The following PDK1 variants were observed in gnomAD, a reference collection of about 807,000 sequenced individuals.
The protein encoded by PDK1 is pyruvate dehydrogenase kinase 1.
PDK1 carries 39 observed loss-of-function variants against 54.2 expected under a neutral mutation model. The ratio of observed to expected loss-of-function variants is 0.72; its 90% confidence interval spans 0.56 to 0.94. PDK1 has a LOEUF of 0.94. PDK1 is among the 40% of genes least tolerant of loss of function. The pLI is 0.00. For missense variants in PDK1, 552 were observed against 566.0 expected, an observed-to-expected ratio of 0.98 and a Z score of 0.25; for synonymous variants, 221 against 207.1, an observed-to-expected ratio of 1.07 and a Z score of -0.58.
the PDK1 span, among the ~76,000 whole-genome samples, chr2:172,653,032 A>G: frequency 6.6e-6 from 1 of 152,210 alleles, no homozygotes; most frequent in Non-Finnish European, 1.5e-5. Flanking sequence ...AAGCCAAAAG[A>G]ACAAAACTGG....
At chr2:172,625,143 A>G in the PDK1 span, among the ~76,000 whole-genome samples, 1 of 152,190 alleles carries the variant, frequency 6.6e-6, no homozygotes, top group Non-Finnish European at 1.5e-5. Flanking sequence ...GGTGACAGAA[A>G]TAAACATTTG....
Position 172,601,956 on chromosome 2 carries a change from A to G in PDK1, c.*5987A>G, listed in dbSNP as rs1322440762. On this transcript the variant is annotated 3_prime_UTR_variant, in exon 11 of 11. Coordinates refer to ENST00000282077, the MANE Select transcript of PDK1 (RefSeq NM_002610.5). The stretch of plus-strand genomic sequence containing the variant: ...AGAAGAAATGGATATATTTCTAGGA[A>G]AACAGTAGAAGATCCATCTAAGATT... The G allele has an allele frequency of 6.6e-6, 1 of 152,224 alleles. No individual in the cohort carries two copies. Among genetic ancestry groups the G allele is most frequent in the Non-Finnish European group, 1.5e-5 (1 of 68,046 alleles). 9.4% of individuals were successfully genotyped at this position (152,224 alleles called of 1,614,324 possible). A position where few individuals can be genotyped will look rare whatever the true frequency, so the allele number is the denominator to read the frequency against.
the PDK1 span, among the ~76,000 whole-genome samples, chr2:172,700,205 C>T: frequency 1.8e-4 from 27 of 152,118 alleles, no homozygotes; most frequent in Middle Eastern, 6.8e-3. Flanking sequence ...TTTCCCCACA[C>T]TTCCCCCCTT....
chr2:172,594,227 G>T (rs1470203257), intron 10 of PDK1, among the ~76,000 whole-genome samples: 2 of 152,004 alleles, frequency 1.3e-5, no homozygotes, highest in South Asian at 4.1e-4. Flanking sequence ...GTTTGACCAC[G>T]CTGGCTAGGC....
Position 172,587,132 on chromosome 2 carries a change from G to C in PDK1, c.1056+744G>C, listed in dbSNP as rs577457289. ...TAGGAAGTTACTAGGACTTTATTCT[G>C]ATAGTTTTGTGTCCGGAATTGGTGG... is the stretch of plus-strand genomic sequence containing the variant. On this transcript the variant is annotated intron_variant, in intron 9 of 10. Coordinates refer to ENST00000282077, the MANE Select transcript of PDK1 (RefSeq NM_002610.5). Among the ~76,000 whole-genome samples the C allele has an allele frequency of 1.1e-4, 17 of 152,308 alleles. No individual in the cohort carries two copies. The South Asian group carries it at 3.5e-3, about 32-fold the overall frequency.
chr2:172,654,362 A>G, the PDK1 span, among the ~76,000 whole-genome samples: 1 of 152,216 alleles, frequency 6.6e-6, no homozygotes, highest in Non-Finnish European at 1.5e-5. Context: ...AAGACTTGGA[A>G]CCAACCCAAA....
the PDK1 span, among the ~76,000 whole-genome samples, chr2:172,618,628 G>A: frequency 8.5e-5 from 13 of 152,172 alleles, no homozygotes; most frequent in African/African-American, 2.4e-4. Flanking sequence ...TTATGAAATC[G>A]TCAAGCTATT....
At chr2:172,627,861 A>G in the PDK1 span, among the ~76,000 whole-genome samples, 1 of 152,214 alleles carries the variant, frequency 6.6e-6, no homozygotes, top group Non-Finnish European at 1.5e-5. Flanking sequence ...ATCTGCTTGC[A>G]CATCCACTTG....
At chr2:172,620,748 C>G in the PDK1 span, among the ~76,000 whole-genome samples, 1 of 152,156 alleles carries the variant, frequency 6.6e-6, no homozygotes, top group East Asian at 1.9e-4. Flanking sequence ...ACCTCACACT[C>G]TTGTTCTTGC....
chr2:172,588,884 G>C (rs190400894), intron 9 of PDK1, among the ~76,000 whole-genome samples: 5 of 152,288 alleles, frequency 3.3e-5, no homozygotes, highest in Middle Eastern at 3.4e-3. Context: ...ACTCAGTTTT[G>C]TTCTTTCCAA....
At chr2:172,564,243 C>T (rs745536412) in intron 3 of PDK1, 23 of 505,946 alleles carry the variant, frequency 4.5e-5, no homozygotes, top group Non-Finnish European at 6.8e-5. Context: ...TTTTGGATTA[C>T]GTTTTGTGGC....
At chr2:172,628,919 G>C in the PDK1 span, among the ~76,000 whole-genome samples, 1 of 152,126 alleles carries the variant, frequency 6.6e-6, no homozygotes, top group Non-Finnish European at 1.5e-5. Context: ...AGGAGTTCAA[G>C]ACCATCCTGG....
Position 172,595,954 on chromosome 2 carries a change from G to A in PDK1, c.1296G>A (p.Thr432=), listed in dbSNP as rs777387091. ...VPSREPKDMT[T]FRSA ...GCAGAGAACCCAAAGACATGACGAC[G>A]TTCCGCAGTGCCTAGACACACTTGG... The change falls in exon 11 of 11, where the codon ACG becomes ACA. Residue 432 remains threonine, a synonymous_variant. Transcript: ENST00000282077. The A allele has an allele frequency of 8.7e-6, 14 of 1,610,958 alleles. No homozygotes were observed. Among genetic ancestry groups the A allele is most frequent in the African/African-American group, 6.7e-5 (5 of 74,866 alleles).
chr2:172,668,937 AGAAAGAG>A, the PDK1 span, among the ~76,000 whole-genome samples: 2 of 130,856 alleles, frequency 1.5e-5, no homozygotes, highest in Admixed American at 7.3e-5. Flanking sequence ...AGAGAGAGAG[AGAAAGAG>A]AGAGAGACGG....
chr2:172,660,326 G>A, the PDK1 span, among the ~76,000 whole-genome samples: 6 of 125,194 alleles, frequency 4.8e-5, no homozygotes, highest in South Asian at 2.6e-4. Context: ...GCATGATCTC[G>A]GCTCACTGCA....
intron 3 of PDK1, 58 bp downstream of exon 3, chr2:172,562,349 T>C (rs1688699195): frequency 1.1e-5 from 11 of 1,043,466 alleles, no homozygotes; most frequent in Non-Finnish European, 1.5e-5. Flanking sequence ...TTGGGGGAAA[T>C]TGGTTAACTT....
the PDK1 span, among the ~76,000 whole-genome samples, chr2:172,720,378 G>A: frequency 2.6e-5 from 4 of 152,136 alleles, no homozygotes; most frequent in African/African-American, 7.2e-5. Context: ...GCCTCCCAAA[G>A]TTCTGGGTTT....
chr2:172,715,802 AC>A, the PDK1 span, among the ~76,000 whole-genome samples: 38 of 152,360 alleles, frequency 2.5e-4, no homozygotes, highest in South Asian at 7.7e-3. Flanking sequence ...AAACATTCAA[AC>A]AAGGTCATAC....
At chr2:172,719,547 C>T in the PDK1 span, among the ~76,000 whole-genome samples, 1 of 152,120 alleles carries the variant, frequency 6.6e-6, no homozygotes, top group Non-Finnish European at 1.5e-5. Context: ...TATTTGGTGT[C>T]ATACATAAGA....
Sources: gnomAD v4.1 joint callset for allele counts (sites outside exome capture counted in the v4.1 genomes callset) on GRCh38, gnomAD v4.1.1 for gene constraint, MANE v1.5 for transcripts, NCBI Gene and HGNC (gene_info 2026-07-23, HGNC 2026-07-21) for gene names.